Variants in NTM observed in about 807,000 individuals in gnomAD.
NTM encodes the protein neurotrimin.
In NTM, 13 loss-of-function variants were observed where a neutral mutation model predicts 42.1. The observed-to-expected ratio is 0.31, with a 90% CI of 0.20 to 0.49. The LOEUF (loss-of-function observed/expected upper bound fraction) is 0.49. NTM is among the 20% of genes least tolerant of loss of function. NTM has a pLI of 0.99. For missense variants in NTM, 373 were observed against 452.8 expected (o/e 0.82, Z 1.60); for synonymous variants, 187 against 179.2 (o/e 1.04, Z -0.35).
At chr11:132,097,264 C>T (rs1388122705) in intron 2 of NTM, among the ~76,000 whole-genome samples, 4 of 152,174 alleles carry the variant, frequency 2.6e-5, no homozygotes, top group African/African-American at 9.7e-5. Flanking sequence ...AATGGTCCTT[C>T]CTAAAGGGAA....
chr11:131,834,813 T>C (rs947857724), intron 1 of NTM, among the ~76,000 whole-genome samples: 2 of 151,910 alleles, frequency 1.3e-5, no homozygotes, highest in African/African-American at 4.8e-5. Context: ...GCCCATAATT[T>C]AGATCACCCT....
At chr11:131,740,565 A>AT (rs893470017) in intron 1 of NTM, among the ~76,000 whole-genome samples, 2 of 151,064 alleles carry the variant, frequency 1.3e-5, no homozygotes, top group Non-Finnish European at 3.0e-5. Flanking sequence ...ATTTTCTTCA[A>AT]TTTTTTTTCT....
chr11:131,945,222 C>T (rs555722297), intron 2 of NTM, among the ~76,000 whole-genome samples: 1 of 152,222 alleles, frequency 6.6e-6, no homozygotes, highest in Non-Finnish European at 1.5e-5. Context: ...TCCCTATTTC[C>T]TTAGCATCTC....
chr11:132,314,306 G>A (rs1397188622), intron 6 of NTM, among the ~76,000 whole-genome samples: 1 of 152,180 alleles, frequency 6.6e-6, no homozygotes, highest in Non-Finnish European at 1.5e-5. Flanking sequence ...AGGATGAGAG[G>A]CTAGGGAGAT....
intron 2 of NTM, among the ~76,000 whole-genome samples, chr11:132,044,950 AAAG>A (rs1289313747): frequency 6.6e-6 from 1 of 152,208 alleles, no homozygotes; most frequent in African/African-American, 2.4e-5. Flanking sequence ...CCAGAGGTAC[AAAG>A]AAGAGATAGT....
intron 2 of NTM, among the ~76,000 whole-genome samples, chr11:132,117,891 AG>A (rs1284136394): frequency 6.6e-6 from 1 of 152,250 alleles, no homozygotes; most frequent in Non-Finnish European, 1.5e-5. Context: ...CTGAGCTGTT[AG>A]TTATAGGTAT....
At chr11:132,165,100 G>T (rs749650812) in intron 3 of NTM, among the ~76,000 whole-genome samples, 1 of 152,148 alleles carries the variant, frequency 6.6e-6, no homozygotes, top group Non-Finnish European at 1.5e-5. Context: ...TTTCACCCAT[G>T]ATAGTGATAT....
At chr11:131,664,096 C>T (rs1248844550) in intron 1 of NTM, among the ~76,000 whole-genome samples, 1 of 152,232 alleles carries the variant, frequency 6.6e-6, no homozygotes, top group African/African-American at 2.4e-5. Context: ...GACTGCTAGG[C>T]CTCTCTGGAC....
intron 2 of NTM, among the ~76,000 whole-genome samples, chr11:132,016,277 A>C (rs1315355174): frequency 6.6e-6 from 1 of 151,902 alleles, no homozygotes; most frequent in Non-Finnish European, 1.5e-5. Flanking sequence ...TGTAAGCATC[A>C]CCACAACCCA....
chr11:132,227,798 C>T (rs2138981414), intron 4 of NTM, among the ~76,000 whole-genome samples: 1 of 152,254 alleles, frequency 6.6e-6, no homozygotes, highest in South Asian at 2.1e-4. Context: ...GTGAGACTAT[C>T]TGCTGCCAGC....
chr11:131,721,127 CA>C (rs112854790), intron 1 of NTM, among the ~76,000 whole-genome samples: 26,648 of 143,458 alleles, frequency 0.19, 2,433 homozygotes, highest in Middle Eastern at 0.27. Context: ...ATTATCTCTA[CA>C]AAAAAAAAAA....
At chr11:131,773,245 A>C (rs1398335567) in intron 1 of NTM, among the ~76,000 whole-genome samples, 3 of 152,100 alleles carry the variant, frequency 2.0e-5, no homozygotes, top group African/African-American at 7.2e-5. Flanking sequence ...GGTGTAAGGG[A>C]TGGTGGGGCA....
intron 1 of NTM, among the ~76,000 whole-genome samples, chr11:131,477,545 T>A (rs1591782289): frequency 2.0e-5 from 3 of 151,888 alleles, no homozygotes; most frequent in African/African-American, 4.8e-5. Flanking sequence ...ACACAGAGGA[T>A]GCGCCCTCTG....
chr11:132,291,619 T>C (rs1369640013), intron 4 of NTM, among the ~76,000 whole-genome samples: 1 of 152,152 alleles, frequency 6.6e-6, no homozygotes, highest in Non-Finnish European at 1.5e-5. Flanking sequence ...GGGAAATCAT[T>C]GTACAGTGAG....
intron 1 of NTM, chr11:131,910,124 T>C (rs2054490106): frequency 6.6e-6 from 1 of 152,274 alleles, no homozygotes; most frequent in African/African-American, 2.4e-5. Context: ...CTCTGGGGTT[T>C]TGAGCAGCTT....
intron 1 of NTM, among the ~76,000 whole-genome samples, chr11:131,604,946 A>G (rs1386333941): frequency 6.6e-6 from 1 of 151,676 alleles, no homozygotes; most frequent in East Asian, 1.9e-4. Context: ...CAAAACCCAC[A>G]CTGTTTTGAT....
At chr11:131,712,147 A>C in intron 1 of NTM, among the ~76,000 whole-genome samples, 1 of 148,718 alleles carries the variant, frequency 6.7e-6, no homozygotes, top group Middle Eastern at 3.5e-3. Context: ...ATAAAATAAA[A>C]AATAAAAAAA....
At chr11:132,280,821 C>T (rs371256448) in intron 4 of NTM, among the ~76,000 whole-genome samples, 26 of 133,956 alleles carry the variant, frequency 1.9e-4, no homozygotes, top group African/African-American at 7.2e-4. Context: ...GTAGGGATAG[C>T]TTTCATTTGT....
chr11:131,633,153 T>C (rs1323110038), intron 1 of NTM, among the ~76,000 whole-genome samples: 1 of 152,142 alleles, frequency 6.6e-6, no homozygotes, highest in African/African-American at 2.4e-5. Flanking sequence ...TTCTGATTTA[T>C]CATTTTTGTT....
Sources: gnomAD v4.1 joint callset for allele counts (sites outside exome capture counted in the v4.1 genomes callset) on GRCh38, gnomAD v4.1.1 for gene constraint, MANE v1.5 for transcripts, NCBI Gene and HGNC (gene_info 2026-07-23, HGNC 2026-07-21) for gene names.